The following PTPRC variants were observed in gnomAD, a reference collection of about 807,000 sequenced individuals.
PTPRC encodes protein tyrosine phosphatase receptor type C.
A neutral mutation model predicts 155.9 loss-of-function variants in PTPRC; 44 were observed. That is an observed-to-expected ratio of 0.28 (90% CI 0.22 to 0.36). PTPRC has a LOEUF of 0.36. Ranked by LOEUF, PTPRC falls within the 10% of genes least tolerant of loss-of-function variation. The probability of loss-of-function intolerance (pLI) is 1.00; values close to 1 mark genes in which losing one functional copy is unlikely to be tolerated. For synonymous variants in PTPRC, 525 were observed against 533.1 expected (o/e 0.98, Z 0.21); for missense variants, 1,401 against 1,564.6 (o/e 0.90, Z 1.76).
intron 2 of PTPRC, among the ~76,000 whole-genome samples, chr1:198,674,345 T>C (rs896894253): frequency 2.0e-5 from 3 of 152,072 alleles, no homozygotes; most frequent in African/African-American, 7.2e-5. Flanking sequence ...AAGTATTAAG[T>C]AGATAGGTAG....
At chr1:198,694,368 C>G (rs1046915118) in intron 3 of PTPRC, 17 of 1,043,262 alleles carry the variant, frequency 1.6e-5, no homozygotes, top group Non-Finnish European at 2.0e-5. Context: ...TCCACTGACT[C>G]AAATGTTAAT....
At chr1:198,736,591 A>G (rs541875590) in intron 23 of PTPRC, among the ~76,000 whole-genome samples, 33 of 151,828 alleles carry the variant, frequency 2.2e-4, no homozygotes, top group Admixed American at 8.6e-4. Flanking sequence ...TCATCAGTCA[A>G]CTGATGCTTA....
intron 4 of PTPRC, 64 bp from the exon 5 acceptor site, chr1:198,699,500 C>T: frequency 6.3e-7 from 1 of 1,589,466 alleles, no homozygotes. Flanking sequence ...CTTATAACCT[C>T]TTAGTAAATT....
intron 26 of PTPRC, 73 bp from the exon 27 acceptor site, chr1:198,748,036 G>A (rs1655213020): frequency 7.8e-6 from 12 of 1,531,120 alleles, no homozygotes; most frequent in Non-Finnish European, 5.3e-6. Flanking sequence ...TTTTCCTTAG[G>A]GAGCATCTTA....
intron 2 of PTPRC, among the ~76,000 whole-genome samples, chr1:198,661,839 C>T (rs909096098): frequency 2.0e-5 from 3 of 152,122 alleles, no homozygotes; most frequent in African/African-American, 7.2e-5. Flanking sequence ...TTTTTTAGGA[C>T]AAAATAGACT....
chr1:198,702,985 C>T lies in PTPRC; in HGVS notation c.584-313C>T, dbSNP rs906103509. Among the ~76,000 whole-genome samples, 50 of 151,904 alleles carry T rather than the reference C, an allele frequency of 3.3e-4. 1 individual carries two copies. The highest frequency in any genetic ancestry group is 1.2e-3 in the African/African-American group (48 of 41,362). On this transcript the variant is annotated intron_variant, in intron 6 of 32. Transcript: ENST00000442510. ...ATATTTTAAAAGAGTAATTGTGACG[C>T]TTATTAGAATCCAAGTATGGAAAGC...
Position 198,742,010 on chromosome 1 carries a change from A to G in PTPRC, c.2545A>G (p.Ile849Val), listed in dbSNP as rs752510149. ...CTTCAGCAATTTCTTCAGTGGTCCC[A>G]TTGTGGTGCACTGCAGGTAGGAAAA... ...NAFSNFFSGP[I>V]VVHCSAGVGR... is the part of the protein sequence containing the mutation. The change falls in exon 24 of 33, where the codon ATT becomes GTT. Residue 849 changes from isoleucine to valine, a missense_variant. Physicochemically the swap from Ile to Val is conservative, Grantham distance 29. Transcript: ENST00000442510. The G allele has an allele frequency of 7.3e-5, 117 of 1,610,538 alleles. No individual in the cohort carries two copies. The highest frequency in any genetic ancestry group is 5.2e-4 in the Admixed American group (31 of 59,626).
In PTPRC at chr1:198,757,010, G is replaced by A. The variant is rs1213518860; in HGVS notation, c.*829G>A. On this transcript the variant is annotated 3_prime_UTR_variant, in exon 33 of 33. Coordinates refer to ENST00000442510, the MANE Select transcript of PTPRC (RefSeq NM_002838.5). ...ATAAATGTCATTAAAATAAATAAAT[G>A]CAATATGTATTAATATTCATTGTAT... is the stretch of plus-strand genomic sequence containing the variant. 2 of 151,520 alleles carry A rather than the reference G, an allele frequency of 1.3e-5. No homozygotes were observed. Among genetic ancestry groups the A allele is most frequent in the African/African-American group, 4.8e-5 (2 of 41,292 alleles). 9.4% of individuals were successfully genotyped at this position (151,520 alleles called of 1,614,324 possible).
chr1:198,725,792 G>A (rs1384381803), intron 15 of PTPRC, among the ~76,000 whole-genome samples: 4 of 152,228 alleles, frequency 2.6e-5, no homozygotes, highest in Middle Eastern at 3.4e-3. Flanking sequence ...CACATTTACT[G>A]CATATGTCAC....
chr1:198,748,016 A>T, intron 26 of PTPRC, 93 bp from the exon 27 acceptor site: 2 of 1,500,274 alleles, frequency 1.3e-6, no homozygotes, highest in Non-Finnish European at 8.9e-7. Flanking sequence ...CACAAAAATT[A>T]ATGAAATGCT....
At chr1:198,717,690 C>T (rs561663742) in intron 13 of PTPRC, among the ~76,000 whole-genome samples, 1 of 152,188 alleles carries the variant, frequency 6.6e-6, no homozygotes, top group Admixed American at 6.5e-5. Flanking sequence ...TAGGTGTTTA[C>T]CAGGATAACA....
chr1:198,654,360 C>T (rs1282030420), intron 2 of PTPRC, among the ~76,000 whole-genome samples: 2 of 151,774 alleles, frequency 1.3e-5, no homozygotes, highest in East Asian at 1.9e-4. Context: ...AAAAAATTAG[C>T]TAGTGGATTG....
At chr1:198,729,236 T>C (rs747758297) in intron 17 of PTPRC, 65 bp downstream of exon 17, 22 of 1,436,378 alleles carry the variant, frequency 1.5e-5, no homozygotes, top group Non-Finnish European at 2.0e-5. Context: ...TCATTTTATT[T>C]ATTTATTTAT....
intron 4 of PTPRC, among the ~76,000 whole-genome samples, 185 bp downstream of exon 4, chr1:198,697,094 T>C (rs565312018): frequency 6.6e-6 from 1 of 152,244 alleles, no homozygotes; most frequent in East Asian, 1.9e-4. Flanking sequence ...TTAATGCATG[T>C]TGTTAGGGAG....
At chr1:198,729,209 C>T in intron 17 of PTPRC, 38 bp downstream of exon 17, 1 of 1,575,434 alleles carries the variant, frequency 6.3e-7, no homozygotes, top group Non-Finnish European at 8.6e-7. Flanking sequence ...TATTCCTTCC[C>T]CTGCATTTGA....
intron 16 of PTPRC, 57 bp downstream of exon 16, chr1:198,728,505 A>G: frequency 1.9e-6 from 3 of 1,586,084 alleles, no homozygotes; most frequent in African/African-American, 2.7e-5. Flanking sequence ...GTGCAAACGC[A>G]TATCCATATG....
chr1:198,670,837 T>C (rs1664599707), intron 2 of PTPRC, among the ~76,000 whole-genome samples: 1 of 152,090 alleles, frequency 6.6e-6, no homozygotes, highest in African/African-American at 2.4e-5. Flanking sequence ...CAACCATGGA[T>C]TGAAAATATT....
intron 9 of PTPRC, among the ~76,000 whole-genome samples, chr1:198,707,493 C>T (rs1034955774): frequency 6.6e-6 from 1 of 152,050 alleles, no homozygotes; most frequent in Non-Finnish European, 1.5e-5. Context: ...GGAAGCATCT[C>T]TTAGCCAAAT....
chr1:198,709,772 T>C lies in PTPRC; in HGVS notation c.1119T>C (p.Tyr373=). ...ATAAGTGTGACTCAGAAATACTCTATAATAACCACAAGTTTACTAACGCAA... is the reference window on the plus strand; with the variant it reads ...ATAAGTGTGACTCAGAAATACTCTACAATAACCACAAGTTTACTAACGCAA... ...HEYKCDSEIL[Y]NNHKFTNASK... is the part of the protein sequence containing the mutation. Residue 373 remains tyrosine, a synonymous_variant, in exon 11 of 33, where the codon TAT becomes TAC. Transcript: ENST00000442510. 1 of 1,612,734 alleles carries C rather than the reference T, an allele frequency of 6.2e-7. No homozygotes were observed. The highest frequency in any genetic ancestry group is 1.1e-5 in the South Asian group (1 of 90,820).
Sources: allele counts gnomAD v4.1 joint callset (sites outside exome capture counted in the v4.1 genomes callset), GRCh38; gene constraint gnomAD v4.1.1; transcripts MANE v1.5; gene names NCBI Gene and HGNC (gene_info 2026-07-23, HGNC 2026-07-21).